FAM114A1: variants seen among roughly 807,000 people sequenced by gnomAD.
FAM114A1 encodes the protein family with sequence similarity 114 member A1.
A neutral mutation model predicts 64.3 loss-of-function variants in FAM114A1; 62 were observed. The observed-to-expected ratio is 0.96, with a 90% CI of 0.79 to 1.19. The LOEUF (loss-of-function observed/expected upper bound fraction) is 1.19, where lower values mean the gene tolerates loss of function less well. FAM114A1 is among the 50% of genes most tolerant of loss of function. The pLI is 0.00. For synonymous variants in FAM114A1, 254 were observed against 251.1 expected (o/e 1.01, Z -0.11); for missense variants, 645 against 676.3 (o/e 0.95, Z 0.51).
chr4:38,913,459 C>T (rs1191280947), intron 7 of FAM114A1, among the ~76,000 whole-genome samples: 5 of 152,164 alleles, frequency 3.3e-5, no homozygotes, highest in East Asian at 1.9e-4. Flanking sequence ...AGTGCAACGG[C>T]GCAGTCTCGG....
rs753975011 is a variant in FAM114A1 at position 38,932,240 on chromosome 4, A to C, written c.1329A>C (p.Val443=). The C allele has an allele frequency of 6.3e-7, 1 of 1,599,420 alleles. No individual in the cohort carries two copies. The highest frequency in any genetic ancestry group is 1.1e-5 in the South Asian group (1 of 87,698). ...EEKKTKTIEE[V]YMSSIESLAE... ...CTTGTGTCTATTCATTTCAGGAAGT[A>C]TACATGTCGTCCATTGAAAGTCTGG... Residue 443 remains valine (V), a synonymous_variant, in exon 12 of 15, where the codon GTA becomes GTC. Coordinates refer to ENST00000358869, the MANE Select transcript of FAM114A1 (RefSeq NM_138389.4).
Position 38,913,467 on chromosome 4 carries a change from C to T in FAM114A1, c.793-1454C>T, listed in dbSNP as rs533891249. On this transcript the variant is annotated intron_variant, in intron 7 of 14. Coordinates refer to ENST00000358869, the MANE Select transcript of FAM114A1 (RefSeq NM_138389.4). ...AGGCTGGAGTGCAACGGCGCAGTCT[C>T]GGCTCACTGCGCCTCCGGGTTCAAC... Among the ~76,000 whole-genome samples the T allele has an allele frequency of 2.7e-3, 414 of 152,284 alleles. 1 individual carries two copies. The highest frequency in any genetic ancestry group is 4.4e-3 in the Non-Finnish European group (297 of 68,020).
chr4:38,905,363 C>T (rs1484178521), intron 4 of FAM114A1, among the ~76,000 whole-genome samples, 159 bp from the exon 5 acceptor site: 1 of 151,300 alleles, frequency 6.6e-6, no homozygotes, highest in Non-Finnish European at 1.5e-5. Flanking sequence ...TGCACCACTG[C>T]ACTCCAGCCT....
chr4:38,931,941 A>G (rs1720675610), intron 11 of FAM114A1, among the ~76,000 whole-genome samples: 1 of 152,226 alleles, frequency 6.6e-6, no homozygotes, highest in African/African-American at 2.4e-5. Flanking sequence ...AGCTCTGTTC[A>G]TTCAGCCGGC....
chr4:38,877,945 C>T (rs1714814080), intron 2 of FAM114A1, 126 bp from the exon 3 acceptor site: 1 of 763,852 alleles, frequency 1.3e-6, no homozygotes, highest in East Asian at 2.8e-5. Context: ...GCCTAGGCAA[C>T]AAGAGCGAAA....
intron 2 of FAM114A1, among the ~76,000 whole-genome samples, chr4:38,869,401 C>A (rs1273402039): frequency 1.3e-5 from 2 of 152,016 alleles, no homozygotes; most frequent in African/African-American, 4.8e-5. Flanking sequence ...TAAGCAAAGG[C>A]AGGGAGATGT....
At chr4:38,936,848 C>T (rs1721155835) in intron 13 of FAM114A1, among the ~76,000 whole-genome samples, 1 of 152,314 alleles carries the variant, frequency 6.6e-6, no homozygotes, top group African/African-American at 2.4e-5. Flanking sequence ...CCGCGCCTGG[C>T]AGAGATAAGA....
intron 8 of FAM114A1, among the ~76,000 whole-genome samples, chr4:38,917,371 T>C (rs903927782): frequency 6.6e-6 from 1 of 151,304 alleles, no homozygotes; most frequent in Non-Finnish European, 1.5e-5. Context: ...AGTCAGACAT[T>C]ATTTAATTAA....
chr4:38,911,569 A>G (rs1347367247), intron 7 of FAM114A1, among the ~76,000 whole-genome samples: 1 of 152,150 alleles, frequency 6.6e-6, no homozygotes, highest in Non-Finnish European at 1.5e-5. Flanking sequence ...GTAGTGAGGA[A>G]TGGCTGATTC....
At chr4:38,932,186 A>G in intron 11 of FAM114A1, 49 bp from the exon 12 acceptor site, 1 of 1,549,042 alleles carries the variant, frequency 6.5e-7, no homozygotes, top group African/African-American at 1.4e-5. Flanking sequence ...TTTTTTTAAA[A>G]AAGCATCTGC....
chr4:38,891,616 A>C lies in FAM114A1; in HGVS notation c.349-127A>C, dbSNP rs189869811. ...TATTCTTTTATGACCCTTATAAACT[A>C]TAAGCCAATTAGATACGGTTGTTGG... On this transcript the variant is annotated intron_variant, in intron 3 of 14. Coordinates refer to ENST00000358869, the MANE Select transcript of FAM114A1 (RefSeq NM_138389.4). 21 of 767,876 alleles carry C rather than the reference A, an allele frequency of 2.7e-5. No individual in the cohort carries two copies. In the African/African-American group the frequency reaches 3.3e-4, roughly 12 times the overall value. The allele number at this position is 767,876 out of a possible 1,614,324, so 47.6% of individuals were successfully genotyped here.
At chr4:38,908,794 T>A in intron 7 of FAM114A1, 68 bp downstream of exon 7, 2 of 1,389,064 alleles carry the variant, frequency 1.4e-6, no homozygotes, top group Non-Finnish European at 1.9e-6. Flanking sequence ...TATTTATCTT[T>A]TTGAATAGCT....
Position 38,912,040 on chromosome 4 carries a change from T to C in FAM114A1, c.793-2881T>C, listed in dbSNP as rs150123777. 9.0e-3 allele frequency among the ~76,000 whole-genome samples: 1,373 copies of C among 151,954 alleles called. 23 individuals carry two copies. Among genetic ancestry groups the C allele is most frequent in the African/African-American group, 0.031 (1,284 of 41,396 alleles). ...CACGCCCGGCTAATTTTTGTATTTT[T>C]AGTAGAGACGGGGTTTCACCATGTT... On this transcript the variant is annotated intron_variant, in intron 7 of 14. Coordinates refer to ENST00000358869, the MANE Select transcript of FAM114A1 (RefSeq NM_138389.4).
At chr4:38,886,441 G>C (rs1164342700) in intron 3 of FAM114A1, among the ~76,000 whole-genome samples, 1 of 151,436 alleles carries the variant, frequency 6.6e-6, no homozygotes, top group Non-Finnish European at 1.5e-5. Context: ...AAAGTGCTGG[G>C]TTTACAGGTG....
chr4:38,871,086 CTTTT>C (rs9306968), intron 2 of FAM114A1, among the ~76,000 whole-genome samples: 48 of 93,992 alleles, frequency 5.1e-4, no homozygotes, highest in Middle Eastern at 6.3e-3. Context: ...TTTTTTCTTT[CTTTT>C]TTTTTTTTTT....
At chr4:38,932,091 A>T (rs1720690908) in intron 11 of FAM114A1, 144 bp from the exon 12 acceptor site, 2 of 962,868 alleles carry the variant, frequency 2.1e-6, no homozygotes. Context: ...AAAGTCTTAG[A>T]TATGCTTGTA....
At chr4:38,878,462 T>C (rs1714894168) in intron 3 of FAM114A1, 36 bp downstream of exon 3, 1 of 1,532,310 alleles carries the variant, frequency 6.5e-7, no homozygotes, top group Non-Finnish European at 8.8e-7. Flanking sequence ...TCGGCCTAAG[T>C]TCTTGCTTAT....
At chr4:38,921,082 A>G (rs540679042) in intron 8 of FAM114A1, among the ~76,000 whole-genome samples, 1 of 152,344 alleles carries the variant, frequency 6.6e-6, no homozygotes, top group African/African-American at 2.4e-5. Context: ...ATTAAAACCT[A>G]TTCCAAAGAG....
At chr4:38,927,189 T>A (rs28472665) in intron 9 of FAM114A1, among the ~76,000 whole-genome samples, 29,974 of 152,184 alleles carry the variant, frequency 0.2, 3,172 homozygotes, top group Middle Eastern at 0.3. Context: ...CATTACTCAA[T>A]TGTCACCTTC....
Sources: allele counts gnomAD v4.1 joint callset (sites outside exome capture counted in the v4.1 genomes callset), GRCh38; gene constraint gnomAD v4.1.1; transcripts MANE v1.5; gene names NCBI Gene and HGNC (gene_info 2026-07-23, HGNC 2026-07-21).